The following KDM5B variants were observed in gnomAD, a reference collection of about 807,000 sequenced individuals.
The protein encoded by KDM5B is lysine demethylase 5B.
Under a neutral mutation model 193.4 loss-of-function variants are expected in KDM5B, and 144 were observed. The observed-to-expected ratio is 0.74, with a 90% confidence interval of 0.65 to 0.86. KDM5B has a LOEUF of 0.86. Ranked by LOEUF, KDM5B falls within the 40% of genes least tolerant of loss-of-function variation. The probability of loss-of-function intolerance (pLI) is 0.00; values close to 1 mark genes in which losing one functional copy is unlikely to be tolerated. For missense variants in KDM5B, 1,833 were observed against 1,886.9 expected (o/e 0.97, Z 0.53); for synonymous variants, 668 against 682.6 (o/e 0.98, Z 0.33).
Position 202,746,145 on chromosome 1 carries a change from A to G in KDM5B, c.2195T>C (p.Leu732Ser). Residue 732 changes from leucine (L) to serine (S), a missense_variant, in exon 15 of 27, where the codon TTG becomes TCG. Leu to Ser is a moderately radical substitution (Grantham distance 145, BLOSUM62 -2). This residue lies in a region of KDM5B where 1,379 missense variants were observed against 1,349.6 expected (regional missense o/e 1.02). Transcript: ENST00000367265. ...LCSCPPYKYK[L>S]RYRYTLDDLY... ...AAAAATCGTTCTTCCTACTTACCGC[A>G]ATTTATATTTGTAAGGAGGACAGGA... The G allele has an allele frequency of 6.2e-7, 1 of 1,605,378 alleles. No homozygotes were observed. Among genetic ancestry groups the G allele is most frequent in the Non-Finnish European group, 8.5e-7 (1 of 1,176,642 alleles).
chr1:202,741,784 A>C, intron 18 of KDM5B, 62 bp from the exon 19 acceptor site: 1 of 912,656 alleles, frequency 1.1e-6, no homozygotes, highest in Non-Finnish European at 1.7e-6. Flanking sequence ...GCTTCTTTCA[A>C]ACTTAGAATC....
At chr1:202,767,653 G>A (rs957661835) in intron 4 of KDM5B, among the ~76,000 whole-genome samples, 13 of 152,028 alleles carry the variant, frequency 8.6e-5, no homozygotes, top group Non-Finnish European at 1.9e-4. Context: ...ATAAAGACAA[G>A]TCTGCAGTTA....
chr1:202,754,780 G>A (rs1265293579), intron 11 of KDM5B, among the ~76,000 whole-genome samples: 1 of 152,200 alleles, frequency 6.6e-6, no homozygotes, highest in Non-Finnish European at 1.5e-5. Context: ...TGCCTCCCAG[G>A]ATCAAGTGAT....
intron 1 of KDM5B, among the ~76,000 whole-genome samples, chr1:202,803,775 G>A (rs114137803): frequency 0.02 from 2,982 of 151,364 alleles, 88 homozygotes; most frequent in African/African-American, 0.068. Flanking sequence ...GCAACATGAC[G>A]TTGCGCCATG....
At chr1:202,772,460 C>A (rs1656759832) in intron 4 of KDM5B, among the ~76,000 whole-genome samples, 1 of 152,128 alleles carries the variant, frequency 6.6e-6, no homozygotes, top group Non-Finnish European at 1.5e-5. Context: ...CAGAAGAGAA[C>A]AGGTAGGCAA....
intron 1 of KDM5B, among the ~76,000 whole-genome samples, chr1:202,779,032 A>G (rs1443502160): frequency 1.3e-5 from 2 of 152,206 alleles, no homozygotes; most frequent in Non-Finnish European, 2.9e-5. Flanking sequence ...TATCTAGAGC[A>G]AAAAGGCTCA....
At chr1:202,778,188 T>C (rs549671039) in intron 1 of KDM5B, among the ~76,000 whole-genome samples, 2 of 151,538 alleles carry the variant, frequency 1.3e-5, no homozygotes, top group South Asian at 2.1e-4. Context: ...AAAAAAAAAA[T>C]TTGTCCTTAA....
At chr1:202,793,320 A>C (rs1385614473) in intron 1 of KDM5B, among the ~76,000 whole-genome samples, 1 of 152,202 alleles carries the variant, frequency 6.6e-6, no homozygotes, top group Non-Finnish European at 1.5e-5. Context: ...ATAGATTCAT[A>C]ATTTCCCATT....
chr1:202,777,553 G>A (rs967871641), intron 1 of KDM5B, among the ~76,000 whole-genome samples: 1 of 151,732 alleles, frequency 6.6e-6, no homozygotes, highest in African/African-American at 2.4e-5. Context: ...AAGTGCAGTG[G>A]TGTGATCACA....
chr1:202,729,481 G>A, intron 26 of KDM5B: 1 of 594,850 alleles, frequency 1.7e-6, no homozygotes, highest in South Asian at 2.2e-5. Context: ...AAAGCTGGAA[G>A]AGCAAGAAAA....
chr1:202,730,797 A>G, intron 25 of KDM5B, 112 bp downstream of exon 25: 1 of 1,017,766 alleles, frequency 9.8e-7, no homozygotes, highest in Non-Finnish European at 1.4e-6. Context: ...GGTCATCCTC[A>G]GTCTAATCGC....
At chr1:202,774,568 G>A in intron 3 of KDM5B, 45 bp downstream of exon 3, 1 of 1,557,448 alleles carries the variant, frequency 6.4e-7, no homozygotes, top group Middle Eastern at 1.7e-4. Flanking sequence ...AATTCATTCT[G>A]TCAGTAAGAT....
Position 202,777,059 on chromosome 1 carries a change from T to C in KDM5B, c.240A>G (p.Lys80=). 3 of 1,613,614 alleles carry C rather than the reference T, an allele frequency of 1.9e-6. No homozygotes were observed. The highest frequency in any genetic ancestry group is 2.5e-6 in the Non-Finnish European group (3 of 1,179,590). ...TCTGGATACGTGGCGTAAAATGAAGTTTATCAACATCACATGCAAATGGTG... is the reference window on the plus strand; with the variant it reads ...TCTGGATACGTGGCGTAAAATGAAGCTTATCAACATCACATGCAAATGGTG... ...WQPPFACDVD[K]LHFTPRIQRL... is the part of the protein sequence containing the mutation. The change falls in exon 2 of 27, where the codon AAA becomes AAG. Residue 80 remains lysine (K), a synonymous_variant. Transcript: ENST00000367265.
intron 14 of KDM5B, among the ~76,000 whole-genome samples, chr1:202,748,520 A>AC (rs1278473721): frequency 1.1e-4 from 17 of 151,916 alleles, no homozygotes; most frequent in Non-Finnish European, 2.1e-4. Flanking sequence ...TAAAAAAAAA[A>AC]AAACTGGTAT....
At chr1:202,794,738 C>A (rs759961698) in intron 1 of KDM5B, among the ~76,000 whole-genome samples, 37 of 152,282 alleles carry the variant, frequency 2.4e-4, no homozygotes, top group Middle Eastern at 3.4e-3. Context: ...GTAGTCCCCA[C>A]CCTTATCTGG....
chr1:202,729,637 G>A, intron 26 of KDM5B, 70 bp downstream of exon 26: 8 of 1,340,760 alleles, frequency 6.0e-6, no homozygotes, highest in South Asian at 1.4e-5. Context: ...GACCCAGCGA[G>A]ATGAGGTCTA....
At chr1:202,747,890 A>G (rs1655622099) in intron 14 of KDM5B, among the ~76,000 whole-genome samples, 1 of 152,258 alleles carries the variant, frequency 6.6e-6, no homozygotes, top group East Asian at 1.9e-4. Context: ...TCCAACAGGA[A>G]TTGATTTGGT....
At chr1:202,790,908 G>T (rs1187590787) in intron 1 of KDM5B, among the ~76,000 whole-genome samples, 1 of 151,916 alleles carries the variant, frequency 6.6e-6, no homozygotes, top group Non-Finnish European at 1.5e-5. Flanking sequence ...AGTACTGCAA[G>T]AAATAAATTT....
intron 11 of KDM5B, among the ~76,000 whole-genome samples, chr1:202,753,948 G>A (rs1014939822): frequency 3.9e-5 from 6 of 151,990 alleles, no homozygotes; most frequent in Admixed American, 3.9e-4. Context: ...ACAGGCGTGA[G>A]CCACCATGCC....
Sources: gnomAD v4.1 joint callset for allele counts (sites outside exome capture counted in the v4.1 genomes callset) on GRCh38, gnomAD v4.1.1 for gene constraint, gnomAD v4.1.1 regional missense constraint, MANE v1.5 for transcripts, NCBI Gene and HGNC (gene_info 2026-07-23, HGNC 2026-07-21) for gene names.